The following GOLM2 variants were observed in gnomAD, a reference collection of about 807,000 sequenced individuals.
GOLM2 encodes protein GOLM2.
Under a neutral mutation model 55.9 loss-of-function variants are expected in GOLM2, and 26 were observed. That is an observed-to-expected ratio of 0.47 (90% CI 0.34 to 0.65). The LOEUF (loss-of-function observed/expected upper bound fraction) is 0.65. GOLM2 is among the 30% of genes least tolerant of loss of function. The pLI, the probability that GOLM2 is intolerant of heterozygous loss-of-function variation, is 0.01. For missense variants in GOLM2, 486 were observed against 531.8 expected (o/e 0.91, Z 0.85); for synonymous variants, 165 against 194.6 (o/e 0.85, Z 1.27).
At chr15:44,395,224 G>T (rs1342958664) in intron 8 of GOLM2, among the ~76,000 whole-genome samples, 30 of 149,126 alleles carry the variant, frequency 2.0e-4, no homozygotes, top group African/African-American at 6.9e-4. Flanking sequence ...GTTTCACTGT[G>T]GTCTCGATTT....
chr15:44,294,228 A>T (rs1372809613), intron 1 of GOLM2, among the ~76,000 whole-genome samples: 1 of 152,146 alleles, frequency 6.6e-6, no homozygotes, highest in East Asian at 1.9e-4. Context: ...CCAGCCCTAG[A>T]GTCAACCATT....
intron 1 of GOLM2, among the ~76,000 whole-genome samples, chr15:44,298,326 C>G (rs1170595244): frequency 3.4e-5 from 5 of 147,638 alleles, no homozygotes; most frequent in Non-Finnish European, 3.0e-5. Flanking sequence ...TGCAATGGCG[C>G]GATCTCAGCT....
At chr15:44,354,396 A>C (rs145548741) in intron 6 of GOLM2, among the ~76,000 whole-genome samples, 1,828 of 152,164 alleles carry the variant, frequency 0.012, 42 homozygotes, top group East Asian at 0.094. Context: ...ACATGTATAC[A>C]TATGTAACAA....
At chr15:44,370,936 A>C (rs2079325688) in intron 6 of GOLM2, among the ~76,000 whole-genome samples, 1 of 152,188 alleles carries the variant, frequency 6.6e-6, no homozygotes, top group African/African-American at 2.4e-5. Flanking sequence ...CTGGGATTGC[A>C]GGGATGAGCT....
intron 4 of GOLM2, among the ~76,000 whole-genome samples, chr15:44,336,886 A>C (rs2079060908): frequency 6.6e-6 from 1 of 152,198 alleles, no homozygotes; most frequent in Non-Finnish European, 1.5e-5. Flanking sequence ...ACTGCACTCC[A>C]GCCTGGGCGA....
chr15:44,334,015 G>T (rs181081405), intron 4 of GOLM2, among the ~76,000 whole-genome samples: 1 of 152,132 alleles, frequency 6.6e-6, no homozygotes, highest in East Asian at 1.9e-4. Context: ...ACGCCCGGCC[G>T]CTCTCTTCTA....
intron 8 of GOLM2, among the ~76,000 whole-genome samples, chr15:44,383,781 A>G (rs2079351344): frequency 6.8e-6 from 1 of 146,726 alleles, no homozygotes. Context: ...GGTTCAAATG[A>G]TCCTCCCTTC....
chr15:44,319,797 C>T (rs925541467), intron 1 of GOLM2, among the ~76,000 whole-genome samples: 2 of 152,086 alleles, frequency 1.3e-5, no homozygotes, highest in Non-Finnish European at 2.9e-5. Flanking sequence ...CCATGTTGCC[C>T]AGAGTAGTCT....
chr15:44,406,525 C>A (rs185748765), intron 9 of GOLM2: 10 of 152,222 alleles, frequency 6.6e-5, no homozygotes, highest in Admixed American at 1.3e-4. Context: ...AATAAATGAT[C>A]TTTCTCAGTT....
intron 1 of GOLM2, among the ~76,000 whole-genome samples, chr15:44,299,523 C>T (rs1285330752): frequency 6.6e-6 from 1 of 151,966 alleles, no homozygotes; most frequent in Non-Finnish European, 1.5e-5. Context: ...GAACTCCTGA[C>T]CTCAGGTGAT....
At chr15:44,392,525 A>T (rs968932701) in intron 8 of GOLM2, among the ~76,000 whole-genome samples, 3 of 151,760 alleles carry the variant, frequency 2.0e-5, no homozygotes, top group Admixed American at 2.0e-4. Context: ...TAGGAGGCTG[A>T]GGCTGGAGAA....
Position 44,362,378 on chromosome 15 carries a change from A to G in GOLM2, c.803-17312A>G, listed in dbSNP as rs569154546. On this transcript the variant is annotated intron_variant, in intron 6 of 9. Transcript: ENST00000299957. Reference sequence around the variant, plus strand: ...ACAAAATCAATGTACAAAAATCACAAGCATTCTTATACACCAATAACAGAC... The same window carrying G: ...ACAAAATCAATGTACAAAAATCACAGGCATTCTTATACACCAATAACAGAC... Among the ~76,000 whole-genome samples, 253 of 151,918 alleles carry G rather than the reference A, an allele frequency of 1.7e-3. 1 individual carries two copies. The highest frequency in any genetic ancestry group is 5.9e-3 in the African/African-American group (244 of 41,506).
chr15:44,315,001 G>A (rs947994676), intron 1 of GOLM2, among the ~76,000 whole-genome samples: 5 of 152,208 alleles, frequency 3.3e-5, no homozygotes, highest in African/African-American at 1.2e-4. Context: ...GATCCAGCTG[G>A]TATAGGTGTT....
intron 6 of GOLM2, among the ~76,000 whole-genome samples, chr15:44,349,259 C>CAA (rs144376603): frequency 8.8e-3 from 560 of 63,372 alleles, no homozygotes; most frequent in Non-Finnish European, 0.015. Flanking sequence ...AACTCCGTCT[C>CAA]AAAAAAAAAA....
chr15:44,342,092 A>G (rs2141150289), intron 6 of GOLM2, among the ~76,000 whole-genome samples: 1 of 152,256 alleles, frequency 6.6e-6, no homozygotes, highest in South Asian at 2.1e-4. Context: ...GCCATATGCA[A>G]CTTACATGGT....
intron 6 of GOLM2, among the ~76,000 whole-genome samples, chr15:44,373,483 C>T (rs2079343527): frequency 6.7e-6 from 1 of 149,120 alleles, no homozygotes; most frequent in Non-Finnish European, 1.5e-5. Flanking sequence ...TGGCAGGGCA[C>T]AGTGGCTCGC....
Position 44,289,430 on chromosome 15 carries a change from G to A in GOLM2, c.327+74G>A, listed in dbSNP as rs992244243. 2 of 1,353,930 alleles carry A rather than the reference G, an allele frequency of 1.5e-6. No homozygotes were observed. Among genetic ancestry groups the A allele is most frequent in the South Asian group, 1.4e-5 (1 of 71,444 alleles). 83.9% of individuals were successfully genotyped at this position (1,353,930 alleles called of 1,614,324 possible). On this transcript the variant is annotated intron_variant, in intron 1 of 9. Transcript: ENST00000299957. The surrounding 1 kb of genome is among the most constrained non-coding windows in gnomAD (Gnocchi z 4.8). ...GGGGTCTGGGGCGGGATGTTAATCC[G>A]CTAGCTGTTGTCTTATGCCTTCCAG...
At chr15:44,363,123 A>G (rs1181744122) in intron 6 of GOLM2, among the ~76,000 whole-genome samples, 1 of 152,180 alleles carries the variant, frequency 6.6e-6, no homozygotes, top group Non-Finnish European at 1.5e-5. Context: ...CATTCAGGAC[A>G]TAGGCACGGG....
intron 2 of GOLM2, among the ~76,000 whole-genome samples, chr15:44,323,475 A>C (rs1006159960): frequency 1.3e-5 from 2 of 151,008 alleles, no homozygotes; most frequent in Non-Finnish European, 3.0e-5. Context: ...AAAATAGATA[A>C]ATATATAATA....
Sources: allele counts gnomAD v4.1 joint callset (sites outside exome capture counted in the v4.1 genomes callset), GRCh38; gene constraint gnomAD v4.1.1; non-coding constraint Gnocchi (gnomAD v3.1); transcripts MANE v1.5; gene names NCBI Gene and HGNC (gene_info 2026-07-23, HGNC 2026-07-21).